Variants in CNTN5 observed in about 807,000 individuals in gnomAD.
CNTN5 encodes the protein contactin-5.
Under a neutral mutation model 129.1 loss-of-function variants are expected in CNTN5, and 77 were observed. The ratio of observed to expected loss-of-function variants is 0.60; its 90% confidence interval spans 0.50 to 0.72. CNTN5 has a LOEUF of 0.72. Among genes scored for constraint, CNTN5 ranks in the 30% least tolerant of loss-of-function variants. The pLI is 0.00. For missense variants in CNTN5, 1,478 were observed against 1,328.8 expected (o/e 1.11, Z -1.75); for synonymous variants, 509 against 465.6 (o/e 1.09, Z -1.20).
intron 13 of CNTN5, among the ~76,000 whole-genome samples, chr11:100,182,111 TA>T (rs1460997666): frequency 6.6e-6 from 1 of 152,110 alleles, no homozygotes; most frequent in Non-Finnish European, 1.5e-5. Flanking sequence ...TAAAGACAGG[TA>T]AATCAATGCA....
At chr11:99,748,486 TG>T (rs141374576) in intron 3 of CNTN5, among the ~76,000 whole-genome samples, 5,493 of 152,204 alleles carry the variant, frequency 0.036, 138 homozygotes, top group South Asian at 0.095. Flanking sequence ...CATGGAATTC[TG>T]GAGTCCAGAA....
intron 13 of CNTN5, among the ~76,000 whole-genome samples, chr11:100,158,445 A>ATAT (rs1947329564): frequency 6.6e-6 from 1 of 151,918 alleles, no homozygotes; most frequent in Admixed American, 6.6e-5. Context: ...GTATACATAT[A>ATAT]TCAAAACTTC....
chr11:99,412,153 A>G (rs1310636806), intron 2 of CNTN5, among the ~76,000 whole-genome samples: 1 of 152,194 alleles, frequency 6.6e-6, no homozygotes, highest in Non-Finnish European at 1.5e-5. Flanking sequence ...GAAGAAATAT[A>G]TTATTTGAAC....
intron 3 of CNTN5, among the ~76,000 whole-genome samples, chr11:99,780,437 CTTTAAATGA>C (rs1417136980): frequency 6.6e-6 from 1 of 151,872 alleles, no homozygotes; most frequent in Non-Finnish European, 1.5e-5. Flanking sequence ...TATAACGACA[CTTTAAATGA>C]GAAATGAATG....
chr11:99,037,566 T>G (rs1565266802), intron 1 of CNTN5, among the ~76,000 whole-genome samples: 1 of 144,756 alleles, frequency 6.9e-6, no homozygotes, highest in African/African-American at 2.6e-5. Flanking sequence ...TTTTCCTTCT[T>G]TTTTCTTTTC....
chr11:100,299,755 A>T (rs148507780), intron 20 of CNTN5, among the ~76,000 whole-genome samples: 1 of 151,436 alleles, frequency 6.6e-6, no homozygotes, highest in African/African-American at 2.4e-5. Context: ...TATATATGTA[A>T]AGTAGATTTA....
At chr11:99,998,089 G>A (rs1013418723) in intron 8 of CNTN5, among the ~76,000 whole-genome samples, 40 of 151,886 alleles carry the variant, frequency 2.6e-4, no homozygotes, top group African/African-American at 8.0e-4. Context: ...CATTGAAAAC[G>A]GGCACAAGAC....
chr11:100,337,296 T>C (rs1022042643), intron 21 of CNTN5: 1 of 1,114,448 alleles, frequency 9.0e-7, no homozygotes, highest in Non-Finnish European at 1.4e-6. Context: ...TAAATCATGC[T>C]CCTGGAGGAT....
In CNTN5 at chr11:99,542,074, G is replaced by A. The variant is rs747257554; in HGVS notation, c.-70-14071G>A. Among the ~76,000 whole-genome samples the A allele has an allele frequency of 4.6e-5, 7 of 151,088 alleles. No homozygotes were observed. The East Asian group carries it at 9.7e-4, about 21-fold the overall frequency. ...TTTAATTGTCATATAATAATTGTAC[G>A]TATTTATGGGATATAATGTATTGTT... On this transcript the variant is annotated intron_variant, in intron 2 of 24. Transcript: ENST00000524871.
chr11:100,277,703 A>G (rs1380969005), intron 18 of CNTN5, among the ~76,000 whole-genome samples: 1 of 151,880 alleles, frequency 6.6e-6, no homozygotes, highest in South Asian at 2.1e-4. Flanking sequence ...ACTTCTTTAT[A>G]TATTCTGTTT....
intron 9 of CNTN5, among the ~76,000 whole-genome samples, chr11:100,046,066 T>C (rs1942654543): frequency 7.0e-6 from 1 of 143,748 alleles, no homozygotes; most frequent in African/African-American, 2.6e-5. Context: ...ATTAACTCAC[T>C]CATAGGTGGG....
At chr11:100,168,044 C>A (rs1018337556) in intron 13 of CNTN5, among the ~76,000 whole-genome samples, 1 of 151,834 alleles carries the variant, frequency 6.6e-6, no homozygotes, top group African/African-American at 2.4e-5. Flanking sequence ...TAGAGCAGAG[C>A]CTTAATCCTC....
intron 3 of CNTN5, among the ~76,000 whole-genome samples, chr11:99,641,606 A>G (rs7935457): frequency 0.6 from 91,336 of 151,888 alleles, 28,304 homozygotes; most frequent in Admixed American, 0.69. Context: ...ATTATCTGGA[A>G]TCTGGCCTAT....
At chr11:100,270,972 G>C (rs892808514) in intron 17 of CNTN5, 120 bp from the exon 18 acceptor site, 21 of 749,450 alleles carry the variant, frequency 2.8e-5, no homozygotes, top group Non-Finnish European at 4.3e-5. Flanking sequence ...CCATGACCAC[G>C]TGTCGTGAGG....
chr11:100,039,931 G>A (rs200401587), intron 9 of CNTN5, among the ~76,000 whole-genome samples: 33 of 152,202 alleles, frequency 2.2e-4, no homozygotes, highest in East Asian at 1.2e-3. Context: ...CCTGTAGCTC[G>A]GAGTAGTTTG....
rs151045585 is a variant in CNTN5, at chr11:99,863,770, C to T, written c.577+18508C>T. 3.1e-3 allele frequency among the ~76,000 whole-genome samples: 472 copies of T among 152,244 alleles called. 5 individuals are homozygous for T. Among genetic ancestry groups the T allele is most frequent in the African/African-American group, 0.011 (457 of 41,544 alleles). ...TTGAATACCTAGCAATATTAAGAAG[C>T]GTTTTCCTACTTTCACAGTTAATGT... is the stretch of plus-strand genomic sequence containing the variant. On this transcript the variant is annotated intron_variant, in intron 6 of 24. Coordinates refer to ENST00000524871, the MANE Select transcript of CNTN5 (RefSeq NM_014361.4).
At chr11:99,153,169 C>T (rs965682603) in intron 1 of CNTN5, among the ~76,000 whole-genome samples, 1 of 152,142 alleles carries the variant, frequency 6.6e-6, no homozygotes, top group African/African-American at 2.4e-5. Context: ...TCTGCATTTC[C>T]TGAGTTTGAA....
At chr11:99,168,811 GGAA>G (rs1861011085) in intron 1 of CNTN5, among the ~76,000 whole-genome samples, 3 of 152,152 alleles carry the variant, frequency 2.0e-5, no homozygotes, top group Admixed American at 1.3e-4. Context: ...AAGCACATAT[GGAA>G]GAAGAAGAAA....
intron 3 of CNTN5, among the ~76,000 whole-genome samples, chr11:99,743,812 T>A (rs1414200461): frequency 6.6e-6 from 1 of 152,216 alleles, no homozygotes; most frequent in Non-Finnish European, 1.5e-5. Flanking sequence ...TCTTAAGAGA[T>A]TCTTGACTAA....
Sources: allele counts gnomAD v4.1 joint callset (sites outside exome capture counted in the v4.1 genomes callset), GRCh38; gene constraint gnomAD v4.1.1; transcripts MANE v1.5; gene names NCBI Gene and HGNC (gene_info 2026-07-23, HGNC 2026-07-21).